The following IKZF1 variants were observed in gnomAD, a reference collection of about 807,000 sequenced individuals.
The protein encoded by IKZF1 is IKAROS family zinc finger 1, also known as DNA-binding protein Ikaros.
IKZF1 carries 10 observed loss-of-function variants against 51.7 expected under a neutral mutation model. The observed-to-expected ratio is 0.19, with a 90% CI of 0.12 to 0.33. The LOEUF is 0.33. IKZF1 is among the 10% of genes least tolerant of loss of function. The pLI is 1.00. For synonymous variants in IKZF1, 280 were observed against 282.3 expected, an observed-to-expected ratio of 0.99 and a Z score of 0.08; for missense variants, 484 against 707.5, an observed-to-expected ratio of 0.68 and a Z score of 3.58.
Position 50,310,172 on chromosome 7 carries a change from A to G in IKZF1, c.-15+5250A>G, listed in dbSNP as rs138308674. 1.4e-3 allele frequency among the ~76,000 whole-genome samples: 213 copies of G among 152,358 alleles called. 1 individual carries two copies. Among genetic ancestry groups the G allele is most frequent in the African/African-American group, 5.0e-3 (207 of 41,588 alleles). On this transcript the variant is annotated intron_variant, in intron 1 of 7. Transcript: ENST00000331340. ...TTTTAAAAGTTGGTAGGAAGTTGTG[A>G]GTACTTTTGCAGTATGAGTGTTTTC...
At chr7:50,355,636 A>AATAAATAT (rs1554349912) in intron 3 of IKZF1, among the ~76,000 whole-genome samples, 1 of 149,860 alleles carries the variant, frequency 6.7e-6, no homozygotes, top group Non-Finnish European at 1.5e-5. Context: ...TAAATAAATA[A>AATAAATAT]ATAAATAAAT....
At chr7:50,375,643 G>A (rs1810014443) in intron 3 of IKZF1, among the ~76,000 whole-genome samples, 1 of 151,682 alleles carries the variant, frequency 6.6e-6, no homozygotes, top group Admixed American at 6.6e-5. Flanking sequence ...GTGACTTAAA[G>A]GTAACAGTAA....
chr7:50,327,671 A>T lies in IKZF1; in HGVS notation c.74A>T (p.Asp25Val), dbSNP rs919149752. ...AGCCCCCCTGTAAGCGATACTCCAG[A>T]TGAGGGCGATGAGCCCATGCCGATC... ...KESPPVSDTP[D>V]EGDEPMPIPE... Residue 25 changes from aspartate (D) to valine (V), a missense_variant, in exon 3 of 8, where the codon GAT (aspartate) becomes GTT (valine). Asp to Val is a radical substitution (Grantham distance 152). Around this residue, in one of 6 missense-constraint regions of IKZF1, gnomAD observed 118 missense variants for 138.4 expected, o/e 0.85. Transcript: ENST00000331340. The T allele has an allele frequency of 6.0e-5, 97 of 1,613,394 alleles. No homozygotes were observed. The highest frequency in any genetic ancestry group is 8.1e-5 in the Non-Finnish European group (95 of 1,179,714).
At chr7:50,312,447 G>T (rs973793739) in intron 1 of IKZF1, among the ~76,000 whole-genome samples, 1 of 152,172 alleles carries the variant, frequency 6.6e-6, no homozygotes, top group Admixed American at 6.5e-5. Flanking sequence ...TTGAACTCCA[G>T]CCCTGGGCTT....
intron 3 of IKZF1, among the ~76,000 whole-genome samples, chr7:50,335,566 G>C (rs1797542659): frequency 6.7e-6 from 1 of 148,616 alleles, no homozygotes; most frequent in African/African-American, 2.5e-5. Context: ...GTGGTGTGTG[G>C]TGTGTATGTG....
At chr7:50,369,578 C>G (rs1414927519) in intron 3 of IKZF1, 4 of 398,482 alleles carry the variant, frequency 1.0e-5, no homozygotes, top group East Asian at 3.6e-5. Flanking sequence ...GATGCCTTCC[C>G]CCGCAAAACA....
intron 1 of IKZF1, among the ~76,000 whole-genome samples, chr7:50,315,003 C>T (rs948220015): frequency 1.1e-4 from 16 of 152,236 alleles, no homozygotes; most frequent in Admixed American, 2.0e-4. Flanking sequence ...TCAGGGTCAG[C>T]GGAGGCTGTA....
intron 7 of IKZF1, among the ~76,000 whole-genome samples, chr7:50,397,009 G>A (rs960681850): frequency 1.3e-5 from 2 of 152,180 alleles, no homozygotes; most frequent in African/African-American, 4.8e-5. Flanking sequence ...GTCAGCCAAG[G>A]TTTCAAATGC....
At chr7:50,390,840 A>G (rs1333101593) in intron 6 of IKZF1, among the ~76,000 whole-genome samples, 1 of 151,438 alleles carries the variant, frequency 6.6e-6, no homozygotes. Context: ...ATAGAGATGG[A>G]TACCCTACTG....
intron 3 of IKZF1, among the ~76,000 whole-genome samples, chr7:50,351,104 T>G (rs990542334): frequency 6.6e-6 from 1 of 152,256 alleles, no homozygotes; most frequent in African/African-American, 2.4e-5. Context: ...AGTTTGGATT[T>G]AAGATCACCA....
At chr7:50,380,355 G>A (rs1811508747) in intron 4 of IKZF1, among the ~76,000 whole-genome samples, 1 of 152,232 alleles carries the variant, frequency 6.6e-6, no homozygotes, top group South Asian at 2.1e-4. Context: ...TGCCTGCCCT[G>A]CTCTGCTCTG....
chr7:50,356,294 C>A (rs1342344407), intron 3 of IKZF1, among the ~76,000 whole-genome samples: 1 of 152,212 alleles, frequency 6.6e-6, no homozygotes, highest in East Asian at 1.9e-4. Flanking sequence ...ACTTCTGGAT[C>A]TAGTACCCTG....
At position 50,402,791 on chromosome 7, in the gene IKZF1, A is replaced by G. The variant is rs114621764; in HGVS notation, c.*2164A>G. 768 of 230,504 alleles carry G rather than the reference A, an allele frequency of 3.3e-3. 6 individuals carry two copies. Among genetic ancestry groups the G allele is most frequent in the African/African-American group, 0.015 (694 of 45,322 alleles). The allele number at this position is 230,504 out of a possible 1,614,324, so 14.3% of individuals were successfully genotyped here. A position where few individuals can be genotyped will look rare whatever the true frequency, so the allele number is the denominator to read the frequency against. ...GCTCACAGAAGGGTGTGGCATTTGG[A>G]AACGGGAATAAACAAAATTGCTGCA... On this transcript the variant is annotated 3_prime_UTR_variant, in exon 8 of 8. Coordinates refer to ENST00000331340, the MANE Select transcript of IKZF1 (RefSeq NM_006060.6).
chr7:50,336,195 G>A (rs1313197116), intron 3 of IKZF1, among the ~76,000 whole-genome samples: 1 of 152,110 alleles, frequency 6.6e-6, no homozygotes, highest in African/African-American at 2.4e-5. Context: ...GTTGGCAAAC[G>A]CCATGTGGTT....
At chr7:50,326,786 G>A (rs958853962) in intron 2 of IKZF1, among the ~76,000 whole-genome samples, 3 of 152,256 alleles carry the variant, frequency 2.0e-5, no homozygotes, top group Middle Eastern at 3.4e-3. Context: ...CTTTGCATGC[G>A]GAGAGGGGAT....
chr7:50,379,287 T>C (rs965491797), intron 4 of IKZF1, among the ~76,000 whole-genome samples: 4 of 152,226 alleles, frequency 2.6e-5, no homozygotes, highest in Non-Finnish European at 5.9e-5. Flanking sequence ...GGCTAGGACT[T>C]GCACTGTGGC....
intron 3 of IKZF1, 189 bp downstream of exon 3, chr7:50,327,946 C>A: frequency 1.5e-6 from 1 of 655,040 alleles, no homozygotes; most frequent in Non-Finnish European, 2.5e-6. Context: ...CACTCACAGG[C>A]CAGCATGGCC....
At chr7:50,350,011 A>G (rs1801420741) in intron 3 of IKZF1, among the ~76,000 whole-genome samples, 1 of 152,228 alleles carries the variant, frequency 6.6e-6, no homozygotes, top group Admixed American at 6.5e-5. Flanking sequence ...TGAGAAACAC[A>G]TGAAATCACC....
At chr7:50,303,654 C>T (rs993025319), upstream of IKZF1, among the ~76,000 whole-genome samples, 4 of 152,074 alleles carry the variant, frequency 2.6e-5, no homozygotes, top group African/African-American at 7.2e-5. This position sits in a 1 kb window ranked among gnomAD's most constrained non-coding sequence, Gnocchi z 4.7. Context: ...AGCCTGAACC[C>T]GGGAGCCAAG....
Sources: allele counts gnomAD v4.1 joint callset (sites outside exome capture counted in the v4.1 genomes callset), GRCh38; gene constraint gnomAD v4.1.1; regional missense constraint gnomAD v4.1.1; non-coding constraint Gnocchi (gnomAD v3.1); transcripts MANE v1.5; gene names NCBI Gene and HGNC (gene_info 2026-07-23, HGNC 2026-07-21).